The following DGKK variants were observed in gnomAD, a reference collection of about 807,000 sequenced individuals.
The protein encoded by DGKK is diacylglycerol kinase kappa, also known as 142 kDa diacylglycerol kinase.
Under a neutral mutation model 92.2 loss-of-function variants are expected in DGKK, and 35 were observed. That is an observed-to-expected ratio of 0.38 (90% CI 0.29 to 0.50). The LOEUF is 0.50. Among genes scored for constraint, DGKK ranks in the 20% least tolerant of loss-of-function variants. The pLI is 0.92. For missense variants in DGKK, 910 were observed against 992.2 expected (o/e 0.92, Z 1.11); for synonymous variants, 368 against 360.6 (o/e 1.02, Z -0.23).
chrX:50,378,646 C>T lies in DGKK; in HGVS notation c.2908G>A (p.Ala970Thr). The T allele has an allele frequency of 8.3e-7, 1 of 1,209,081 alleles. No homozygotes were observed. The highest frequency in any genetic ancestry group is 1.1e-6 in the Non-Finnish European group (1 of 894,252). ...AIDDGKLEVV[A>T]IFGSVQMAMS... ...GCCATCTGCACAGAACCAAAGATTG[C>T]CACCACCTCCAGTTTCCCATCATCG... Residue 970 changes from alanine to threonine, a missense_variant, in exon 21 of 28, where the codon GCA becomes ACA. By Grantham distance (58) the Ala-to-Thr change is moderately conservative. Coordinates refer to ENST00000611977, the MANE Select transcript of DGKK (RefSeq NM_001013742.4).
At position 50,376,075 on chromosome X, in the gene DGKK, G is replaced by A. The variant is rs188642156; in HGVS notation, c.3363C>T (p.Tyr1121=). ...CCATCTCATTGCCACTGTCTTGGCC[G>A]TAAAATATATCATTCAGGATGTTAG... ...ASANILNDIF[Y]GQDSGNEMGA... is the part of the protein sequence containing the mutation. Residue 1121 remains tyrosine, a synonymous_variant, in exon 24 of 28, where the codon TAC becomes TAT. Transcript: ENST00000611977. The A allele has an allele frequency of 5.0e-5, 61 of 1,209,099 alleles. No homozygotes were observed. The highest frequency in any genetic ancestry group is 3.5e-4 in the African/African-American group (20 of 57,322).
chrX:50,443,944 T>C (rs1926228218), intron 1 of DGKK, among the ~76,000 whole-genome samples: 1 of 111,284 alleles, frequency 9.0e-6, no homozygotes, highest in East Asian at 2.8e-4. Context: ...ATTACATAAA[T>C]GAAATCATTC....
intron 1 of DGKK, among the ~76,000 whole-genome samples, chrX:50,452,729 T>C (rs1203299388): frequency 8.9e-6 from 1 of 112,383 alleles, no homozygotes; most frequent in African/African-American, 3.2e-5. Flanking sequence ...TTCATAAGGC[T>C]TTAAAATACC....
chrX:50,430,457 A>G (rs1345805976), intron 1 of DGKK, among the ~76,000 whole-genome samples: 1 of 111,802 alleles, frequency 8.9e-6, no homozygotes, highest in Non-Finnish European at 1.9e-5. Flanking sequence ...CTACTATTAA[A>G]CCCTCAAGGC....
intron 17 of DGKK, 30 bp downstream of exon 17, chrX:50,384,138 C>A: frequency 1.1e-6 from 1 of 938,907 alleles, no homozygotes; most frequent in Non-Finnish European, 1.5e-6. Context: ...AGAAAGAAGC[C>A]ATTAAAAGGT....
At chrX:50,399,761 T>C (rs913510058) in intron 8 of DGKK, among the ~76,000 whole-genome samples, 4 of 112,114 alleles carry the variant, frequency 3.6e-5, no homozygotes, top group African/African-American at 1.3e-4. Flanking sequence ...TTAGGTCTTT[T>C]AAGCTGTGAT....
chrX:50,399,889 G>A (rs1423574290), intron 8 of DGKK, among the ~76,000 whole-genome samples: 5 of 111,825 alleles, frequency 4.5e-5, no homozygotes, highest in Admixed American at 3.8e-4. Context: ...AAGTAGGGAA[G>A]GAGAGGTGAA....
chrX:50,439,124 G>A (rs932871855), intron 1 of DGKK, among the ~76,000 whole-genome samples: 6 of 111,108 alleles, frequency 5.4e-5, no homozygotes, highest in South Asian at 3.8e-4. Context: ...ATCTGGAGAG[G>A]ACAATGAAAA....
rs5915245 is a variant in DGKK at position 50,400,145 on chromosome X, C to T, written c.1411+892G>A. 2.3e-3 allele frequency among the ~76,000 whole-genome samples: 255 copies of T among 112,161 alleles called. 1 individual carries two copies. Among genetic ancestry groups the T allele is most frequent in the Non-Finnish European group, 3.1e-3 (165 of 53,181 alleles). On this transcript the variant is annotated intron_variant, in intron 8 of 27. Transcript: ENST00000611977. Reference sequence around the variant, plus strand: ...AATGTAAGTGACTAACCCAACATCACATATCTAGTAAGTAACTAAAGCTCA... The same window carrying T: ...AATGTAAGTGACTAACCCAACATCATATATCTAGTAAGTAACTAAAGCTCA...
chrX:50,470,482 C>G lies in DGKK; in HGVS notation c.197G>C (p.Cys66Ser). Residue 66 changes from cysteine (C) to serine (S), a missense_variant, in exon 1 of 28, where the codon TGT becomes TCT. Coordinates refer to ENST00000611977, the MANE Select transcript of DGKK (RefSeq NM_001013742.4). ...EPCPELAPGPCPEATSESATE... is the reference protein window; with the variant it reads ...EPCPELAPGPSPEATSESATE... ...GGCTGATTCTGAGGTCGCCTCTGGA[C>G]AGGGACCTGGAGCAAGCTCTGGACA... 3.3e-6 allele frequency: 4 copies of G among 1,212,363 alleles called. No individual in the cohort carries two copies. Among genetic ancestry groups the G allele is most frequent in the Non-Finnish European group, 4.5e-6 (4 of 895,583 alleles).
chrX:50,452,681 C>A (rs1475100878), intron 1 of DGKK, among the ~76,000 whole-genome samples: 4 of 112,093 alleles, frequency 3.6e-5, no homozygotes, highest in Admixed American at 1.9e-4. Context: ...GTATTGGTGT[C>A]ACATTCATTT....
At chrX:50,370,653 G>C in intron 26 of DGKK, 104 bp from the exon 27 acceptor site, 2 of 902,550 alleles carry the variant, frequency 2.2e-6, no homozygotes, top group Non-Finnish European at 3.0e-6. Context: ...ACAGAGAACA[G>C]GGAGATCTGC....
chrX:50,459,648 AGAG>A (rs1418462495), intron 1 of DGKK, among the ~76,000 whole-genome samples: 2 of 111,444 alleles, frequency 1.8e-5, no homozygotes, highest in Non-Finnish European at 3.8e-5. Context: ...AAATTCAAGC[AGAG>A]GAGATCATAA....
intron 4 of DGKK, among the ~76,000 whole-genome samples, chrX:50,413,919 G>A (rs1417186863): frequency 1.8e-5 from 2 of 111,862 alleles, no homozygotes; most frequent in Non-Finnish European, 3.8e-5. Context: ...CAAGTTCATC[G>A]CAGCATTATT....
chrX:50,455,163 T>C (rs1483974098), intron 1 of DGKK, among the ~76,000 whole-genome samples: 3 of 112,295 alleles, frequency 2.7e-5, no homozygotes, highest in Non-Finnish European at 5.6e-5. Flanking sequence ...GCAGCTGTTT[T>C]AAGGAGCTTA....
intron 7 of DGKK, among the ~76,000 whole-genome samples, chrX:50,402,052 TG>T (rs1364267053): frequency 9.0e-6 from 1 of 111,423 alleles, no homozygotes; most frequent in Non-Finnish European, 1.9e-5. Flanking sequence ...AAATGTCTCC[TG>T]GGGGGCTAAA....
chrX:50,370,534 T>C lies in DGKK; in HGVS notation c.3628A>G (p.Thr1210Ala), dbSNP rs782620144. ...IFVPEEKSSD[T>A]DSRSLRLKIK... The stretch of plus-strand genomic sequence containing the variant: ...TTCAGCCTGAGGCTTCTACTGTCAG[T>C]GTCCGAAGATTTTTCCTGAGAAACC... Residue 1210 changes from threonine (T) to alanine (A), a missense_variant, in exon 27 of 28, where the codon ACT becomes GCT. By Grantham distance (58) the Thr-to-Ala change is moderately conservative. Coordinates refer to ENST00000611977, the MANE Select transcript of DGKK (RefSeq NM_001013742.4). 2.5e-6 allele frequency: 3 copies of C among 1,195,824 alleles called. No individual in the cohort carries two copies. In the African/African-American group the frequency reaches 5.3e-5, roughly 21 times the overall value.
intron 8 of DGKK, among the ~76,000 whole-genome samples, chrX:50,400,363 T>G (rs1257505341): frequency 8.9e-6 from 1 of 112,200 alleles, no homozygotes; most frequent in African/African-American, 3.2e-5. Flanking sequence ...CATTACTACC[T>G]CCTTTCCGCT....
chrX:50,377,004 G>A, intron 22 of DGKK, 86 bp from the exon 23 acceptor site: 1 of 969,336 alleles, frequency 1.0e-6, no homozygotes, highest in Non-Finnish European at 1.4e-6. Flanking sequence ...TGACGTTTGT[G>A]GGCAATGGGT....
Sources: gnomAD v4.1 joint callset for allele counts (sites outside exome capture counted in the v4.1 genomes callset) on GRCh38, gnomAD v4.1.1 for gene constraint, MANE v1.5 for transcripts, NCBI Gene and HGNC (gene_info 2026-07-23, HGNC 2026-07-21) for gene names.